Variants in CLOCK observed in about 807,000 individuals in gnomAD.
CLOCK encodes the protein circadian locomoter output cycles protein kaput.
A neutral mutation model predicts 118.4 loss-of-function variants in CLOCK; 43 were observed. The ratio of observed to expected loss-of-function variants is 0.36; its 90% CI spans 0.28 to 0.47. CLOCK has a LOEUF of 0.47. Among genes scored for constraint, CLOCK ranks in the 20% least tolerant of loss-of-function variants. The pLI is 1.00. For synonymous variants in CLOCK, 326 were observed against 339.2 expected, an observed-to-expected ratio of 0.96 and a Z score of 0.43; for missense variants, 846 against 999.9, an observed-to-expected ratio of 0.85 and a Z score of 2.08.
At chr4:55,532,792 A>G (rs1399394528) in intron 1 of CLOCK, among the ~76,000 whole-genome samples, 1 of 152,046 alleles carries the variant, frequency 6.6e-6, no homozygotes, top group Non-Finnish European at 1.5e-5. Context: ...GGTCACAGTG[A>G]GCCATGATTG....
At chr4:55,489,188 G>C (rs1010703862) in intron 3 of CLOCK, among the ~76,000 whole-genome samples, 186 bp downstream of exon 3, 1 of 152,144 alleles carries the variant, frequency 6.6e-6, no homozygotes, top group Non-Finnish European at 1.5e-5. Flanking sequence ...GTTCATCACT[G>C]AATCCCCAGT....
chr4:55,481,573 T>C (rs1214025888), intron 4 of CLOCK, among the ~76,000 whole-genome samples: 4 of 152,216 alleles, frequency 2.6e-5, no homozygotes, highest in Admixed American at 2.0e-4. Context: ...TTAAGGAAGT[T>C]TCTTGCTCCT....
At chr4:55,460,034 T>C (rs1281456090) in intron 9 of CLOCK, among the ~76,000 whole-genome samples, 2 of 152,226 alleles carry the variant, frequency 1.3e-5, no homozygotes, top group South Asian at 2.1e-4. Flanking sequence ...TTTGGTATTA[T>C]AGATCTCCTT....
intron 16 of CLOCK, 72 bp downstream of exon 16, chr4:55,450,019 A>C: frequency 6.5e-7 from 1 of 1,539,096 alleles, no homozygotes; most frequent in Non-Finnish European, 9.0e-7. Context: ...TTGATGAGAA[A>C]TGCTGATATA....
At chr4:55,485,565 C>T (rs1472722460) in intron 3 of CLOCK, among the ~76,000 whole-genome samples, 1 of 152,038 alleles carries the variant, frequency 6.6e-6, no homozygotes, top group African/African-American at 2.4e-5. Context: ...ATACAGATGC[C>T]ATGCCACTTC....
chr4:55,534,929 ATTTTTTT>A, intron 1 of CLOCK, among the ~76,000 whole-genome samples: 2 of 134,232 alleles, frequency 1.5e-5, no homozygotes, highest in Non-Finnish European at 3.2e-5. Flanking sequence ...TAAAGTGAGA[ATTTTTTT>A]TTTTTTTTTT....
chr4:55,545,534 A>C (rs549241581), intron 1 of CLOCK: 1 of 152,098 alleles, frequency 6.6e-6, no homozygotes. Flanking sequence ...CACTGTAAAA[A>C]TTTTTTTATT....
At chr4:55,457,058 G>A (rs1468654312) in intron 11 of CLOCK, among the ~76,000 whole-genome samples, 2 of 151,994 alleles carry the variant, frequency 1.3e-5, no homozygotes, top group African/African-American at 4.8e-5. Flanking sequence ...CAAGCTTTTG[G>A]GTGGGTACTT....
chr4:55,527,422 G>C (rs1560479394), intron 1 of CLOCK, among the ~76,000 whole-genome samples: 1 of 152,048 alleles, frequency 6.6e-6, no homozygotes, highest in Admixed American at 6.6e-5. Flanking sequence ...TAGGATATTA[G>C]AGAGAACAAA....
chr4:55,471,962 T>C (rs1435185243), intron 7 of CLOCK, among the ~76,000 whole-genome samples: 1 of 152,134 alleles, frequency 6.6e-6, no homozygotes, highest in East Asian at 1.9e-4. Flanking sequence ...TGGTCCCAGC[T>C]GCTTGGGAGG....
rs1168850357 is a variant in CLOCK, at chr4:55,449,408, T to C, written c.1437A>G (p.Ser479=). The C allele has an allele frequency of 1.2e-6, 2 of 1,613,758 alleles. No individual in the cohort carries two copies. The highest frequency in any genetic ancestry group is 2.2e-5 in the South Asian group (2 of 91,086). Residue 479 remains serine, a synonymous_variant, in exon 17 of 23, where the codon TCA becomes TCG. Transcript: ENST00000513440. ...CTAAAGAGCTTACCTGACTACTAAA[T>C]GATGACCTTCTTTGCACCATCTTCT... ...AHEKMVQRRS[S]FSSQSINSQS... is the part of the protein sequence containing the mutation.
At chr4:55,477,307 G>A (rs1386089200) in intron 6 of CLOCK, among the ~76,000 whole-genome samples, 1 of 151,944 alleles carries the variant, frequency 6.6e-6, no homozygotes, top group Non-Finnish European at 1.5e-5. Context: ...TGAACTCCTA[G>A]TATCTTTGGA....
rs1473661334 is a variant in CLOCK, at chr4:55,429,182, G to A, written c.*6233C>T. 6.6e-6 allele frequency: 1 copy of A among 152,048 alleles called. No individual in the cohort carries two copies. Among genetic ancestry groups the A allele is most frequent in the Non-Finnish European group, 1.5e-5 (1 of 67,996 alleles). 9.4% of individuals were successfully genotyped at this position (152,048 alleles called of 1,614,324 possible). A position where few individuals can be genotyped will look rare whatever the true frequency, so the allele number is the denominator to read the frequency against. The stretch of plus-strand genomic sequence containing the variant: ...ACATTTGAATGTCATTTTTAAAAGC[G>A]ATGTCACAGTTTGTTTCCTAAGAAA... On this transcript the variant is annotated 3_prime_UTR_variant, in exon 23 of 23. Transcript: ENST00000513440.
chr4:55,527,558 A>C (rs368952968), intron 1 of CLOCK, among the ~76,000 whole-genome samples: 1 of 152,196 alleles, frequency 6.6e-6, no homozygotes, highest in Non-Finnish European at 1.5e-5. Context: ...ATGACTGAAA[A>C]TGAGAAAATA....
intron 2 of CLOCK, among the ~76,000 whole-genome samples, chr4:55,499,716 C>T (rs572958077): frequency 1.2e-4 from 18 of 152,304 alleles, no homozygotes; most frequent in African/African-American, 3.8e-4. Context: ...ATCTATCCTC[C>T]GCATGCATCT....
intron 7 of CLOCK, among the ~76,000 whole-genome samples, chr4:55,474,157 T>C (rs1468941493): frequency 6.6e-6 from 1 of 152,120 alleles, no homozygotes; most frequent in Non-Finnish European, 1.5e-5. Flanking sequence ...AGAAAAGTTT[T>C]AGTGAACACA....
chr4:55,532,526 A>T (rs1422149016), intron 1 of CLOCK, among the ~76,000 whole-genome samples: 1 of 152,064 alleles, frequency 6.6e-6, no homozygotes, highest in Non-Finnish European at 1.5e-5. Context: ...AAAATGACCA[A>T]CTGGAAAGGA....
At chr4:55,436,051 A>G (rs1250123398) in intron 22 of CLOCK, among the ~76,000 whole-genome samples, 1 of 152,156 alleles carries the variant, frequency 6.6e-6, no homozygotes, top group Admixed American at 6.5e-5. Context: ...CCTGAGGTAG[A>G]CTGAATGGTT....
intron 9 of CLOCK, among the ~76,000 whole-genome samples, chr4:55,463,208 G>A (rs1262937655): frequency 6.8e-6 from 1 of 146,530 alleles, no homozygotes; most frequent in Non-Finnish European, 1.5e-5. Flanking sequence ...TAGCAAATTA[G>A]ATACATCTAA....
Sources: gnomAD v4.1 joint callset for allele counts (sites outside exome capture counted in the v4.1 genomes callset) on GRCh38, gnomAD v4.1.1 for gene constraint, MANE v1.5 for transcripts, NCBI Gene and HGNC (gene_info 2026-07-23, HGNC 2026-07-21) for gene names.